Variants in S100A10 observed in about 807,000 individuals in gnomAD.
The protein encoded by S100A10 is protein S100-A10.
A neutral mutation model predicts 7.1 loss-of-function variants in S100A10; 3 were observed. That is an observed-to-expected ratio of 0.42 (90% CI 0.19 to 1.10). The LOEUF is 1.10. Among genes scored for constraint, S100A10 ranks in the 50% least tolerant of loss-of-function variants. S100A10 has a pLI of 0.29. For synonymous variants in S100A10, 41 were observed against 39.3 expected (o/e 1.04, Z -0.16); for missense variants, 101 against 118.1 (o/e 0.86, Z 0.67).
rs372089416 is a variant in S100A10 at position 151,983,356 on chromosome 1, G to T, written c.133-32C>A. 1.5e-5 allele frequency: 22 copies of T among 1,452,710 alleles called. 1 individual carries two copies. Among genetic ancestry groups the T allele is most frequent in the South Asian group, 6.0e-5 (4 of 66,604 alleles). 90.0% of individuals were successfully genotyped at this position (1,452,710 alleles called of 1,614,324 possible). A position where few individuals can be genotyped will look rare whatever the true frequency, so the allele number is the denominator to read the frequency against. On this transcript the variant is annotated intron_variant, in intron 2 of 2. Coordinates refer to ENST00000368811, the MANE Select transcript of S100A10 (RefSeq NM_002966.3). ...AAAAAAAGAACAAAGGCAAGAAATAGAAGTCAAAGGTTGCAATGAGGAGCT... is the reference window on the plus strand; with the variant it reads ...AAAAAAAGAACAAAGGCAAGAAATATAAGTCAAAGGTTGCAATGAGGAGCT...
At position 151,993,268 on chromosome 1, in the gene S100A10, A is replaced by G. The variant is rs1256750058; in HGVS notation, c.-22+484T>C. Among the ~76,000 whole-genome samples the G allele has an allele frequency of 6.6e-6, 1 of 151,832 alleles. No homozygotes were observed. Among genetic ancestry groups the G allele is most frequent in the East Asian group, 1.9e-4 (1 of 5,154 alleles). On this transcript the variant is annotated intron_variant, in intron 1 of 2. Transcript: ENST00000368811. This position sits in a 1 kb window ranked among gnomAD's most constrained non-coding sequence, Gnocchi z 5.1. Reference sequence around the variant, plus strand: ...TACGGAAGGGACGCCCCAGCTGCCTACTCGTCCTACCCGCGCCTACTTGGG... The same window carrying G: ...TACGGAAGGGACGCCCCAGCTGCCTGCTCGTCCTACCCGCGCCTACTTGGG...
rs568931956 is a variant in S100A10, at chr1:151,992,874, G to A, written c.-22+878C>T. ...TTCACTTAGGCAGAGCTGGACTGAGGCTGGACAGGCAGCAGTGTCCACGGC... is the reference window on the plus strand; with the variant it reads ...TTCACTTAGGCAGAGCTGGACTGAGACTGGACAGGCAGCAGTGTCCACGGC... On this transcript the variant is annotated intron_variant, in intron 1 of 2. Transcript: ENST00000368811. 8.0e-3 allele frequency among the ~76,000 whole-genome samples: 200 copies of A among 25,038 alleles called. 4 individuals carry two copies. In the East Asian group the frequency reaches 0.18, roughly 22 times the overall value. 16.4% of individuals were successfully genotyped at this position (25,038 alleles called of 152,430 possible).
At chr1:151,986,054 C>T in intron 2 of S100A10, 45 bp downstream of exon 2, 4 of 1,529,066 alleles carry the variant, frequency 2.6e-6, no homozygotes, top group Non-Finnish European at 3.5e-6. Flanking sequence ...GGCCTAGAAG[C>T]ATTGACTTTT....
At chr1:151,992,277 C>A (rs1655921516) in intron 1 of S100A10, among the ~76,000 whole-genome samples, 1 of 152,210 alleles carries the variant, frequency 6.6e-6, no homozygotes, top group Non-Finnish European at 1.5e-5. Flanking sequence ...CTAAAACGCA[C>A]AACATAAAAC....
At chr1:151,986,498 T>C (rs1051593862) in intron 1 of S100A10, among the ~76,000 whole-genome samples, 3 of 152,222 alleles carry the variant, frequency 2.0e-5, no homozygotes, top group African/African-American at 7.2e-5. Flanking sequence ...AAGAATACAA[T>C]ACATTGTAAT....
intron 1 of S100A10, among the ~76,000 whole-genome samples, chr1:151,987,990 T>C (rs1655831409): frequency 6.6e-6 from 1 of 152,212 alleles, no homozygotes; most frequent in Non-Finnish European, 1.5e-5. Flanking sequence ...ACCTAACTCA[T>C]TTGAGGGCCT....
chr1:151,986,210 G>C lies in S100A10; in HGVS notation c.21C>G (p.His7Gln), dbSNP rs148864594. 6.2e-7 allele frequency: 1 copy of C among 1,604,148 alleles called. No individual in the cohort carries two copies. Among genetic ancestry groups the C allele is most frequent in the Non-Finnish European group, 8.5e-7 (1 of 1,176,694 alleles). ...ATGTAAACATCATGGTTTCCATGGC[G>C]TGTTCCATTTGAGATGGCATTTTGG... MPSQME[H>Q]AMETMMFTFH... The change falls in exon 2 of 3, where the codon CAC becomes CAG. Residue 7 changes from histidine (H) to glutamine (Q), a missense_variant. By Grantham distance (24) the His-to-Gln change is conservative. Transcript: ENST00000368811.
At chr1:151,987,810 G>A (rs978564250) in intron 1 of S100A10, among the ~76,000 whole-genome samples, 2 of 152,210 alleles carry the variant, frequency 1.3e-5, no homozygotes, top group African/African-American at 4.8e-5. Context: ...TTACAGGCGT[G>A]AGCCACTATG....
intron 2 of S100A10, 69 bp downstream of exon 2, chr1:151,986,030 G>C (rs1655781177): frequency 7.1e-7 from 1 of 1,399,632 alleles, no homozygotes; most frequent in African/African-American, 1.5e-5. Flanking sequence ...GAAACAAGAA[G>C]GAAAAGGAAC....
chr1:151,988,062 A>C (rs2101769682), intron 1 of S100A10, among the ~76,000 whole-genome samples: 1 of 152,352 alleles, frequency 6.6e-6, no homozygotes, highest in South Asian at 2.1e-4. Context: ...ACAGTGGGAA[A>C]GCAAGAGCTT....
chr1:151,986,318 A>T (rs916169110), intron 1 of S100A10, 67 bp from the exon 2 acceptor site: 18 of 1,109,396 alleles, frequency 1.6e-5, no homozygotes, highest in Non-Finnish European at 2.0e-5. Context: ...GCATGAATTT[A>T]TTTTTTTTAA....
chr1:151,991,627 G>C (rs1184699378), intron 1 of S100A10, among the ~76,000 whole-genome samples: 2 of 152,248 alleles, frequency 1.3e-5, no homozygotes, highest in Non-Finnish European at 2.9e-5. Context: ...AGAAAAATGA[G>C]AAACTTAAGA....
chr1:151,989,599 T>C (rs868211022), intron 1 of S100A10, among the ~76,000 whole-genome samples: 5 of 152,148 alleles, frequency 3.3e-5, no homozygotes, highest in African/African-American at 1.2e-4. Context: ...GGGGGAAATG[T>C]TGTGATTAAA....
In S100A10 at chr1:151,990,840, C is replaced by T. The variant is rs367574951; in HGVS notation, c.-22+2912G>A. Among the ~76,000 whole-genome samples, 29 of 152,232 alleles carry T rather than the reference C, an allele frequency of 1.9e-4. 2 individuals carry two copies. The South Asian group carries it at 5.2e-3, about 27-fold the overall frequency. On this transcript the variant is annotated intron_variant, in intron 1 of 2. Coordinates refer to ENST00000368811, the MANE Select transcript of S100A10 (RefSeq NM_002966.3). ...GGTTGCAGGTTTTTTGAGCAGGGTC[C>T]CAATAGCCAGTGCCCCAGCCCTCAT...
chr1:151,990,362 C>T (rs1655880587), intron 1 of S100A10, among the ~76,000 whole-genome samples: 3 of 152,248 alleles, frequency 2.0e-5, no homozygotes. Flanking sequence ...ATCCCATCTT[C>T]TACTTTTTGC....
chr1:151,985,597 G>A (rs148297993), intron 2 of S100A10, among the ~76,000 whole-genome samples: 206 of 152,324 alleles, frequency 1.4e-3, no homozygotes, highest in Non-Finnish European at 2.4e-3. Context: ...CCCTTTATCT[G>A]AAGAGATTTA....
chr1:151,987,538 C>CTTTTT (rs11383937), intron 1 of S100A10, among the ~76,000 whole-genome samples: 9 of 116,310 alleles, frequency 7.7e-5, no homozygotes, highest in East Asian at 7.6e-4. Flanking sequence ...TATATGTATT[C>CTTTTT]TTTTTTTTTT....
In S100A10 at chr1:151,993,787, G is replaced by GCGAGCTGGA. The variant is rs1655965036; in HGVS notation, c.-66_-58dup. 1 of 156,980 alleles carries GCGAGCTGGA rather than the reference G, an allele frequency of 6.4e-6. No individual in the cohort carries two copies. The highest frequency in any genetic ancestry group is 2.4e-5 in the African/African-American group (1 of 41,500). 9.7% of individuals were successfully genotyped at this position (156,980 alleles called of 1,614,324 possible). A position where few individuals can be genotyped will look rare whatever the true frequency, so the allele number is the denominator to read the frequency against. The stretch of plus-strand genomic sequence containing the variant: ...GCGCGGCGGACGCTGGGCGAGCTGG[G>GCGAGCTGGA]CGAGCTGGACGCGGGGCGGAGAGGC... On this transcript the variant is annotated 5_prime_UTR_variant, in exon 1 of 3. Transcript: ENST00000368811. The surrounding 1 kb of genome is among the most constrained non-coding windows in gnomAD (Gnocchi z 5.1).
At chr1:151,990,694 T>G (rs921082101) in intron 1 of S100A10, among the ~76,000 whole-genome samples, 2 of 152,194 alleles carry the variant, frequency 1.3e-5, no homozygotes, top group African/African-American at 2.4e-5. Flanking sequence ...CATACACACA[T>G]GCACACACAC....
Sources: allele counts gnomAD v4.1 joint callset (sites outside exome capture counted in the v4.1 genomes callset), GRCh38; gene constraint gnomAD v4.1.1; non-coding constraint Gnocchi (gnomAD v3.1); transcripts MANE v1.5; gene names NCBI Gene and HGNC (gene_info 2026-07-23, HGNC 2026-07-21).